The following CCDC7 variants were observed in gnomAD, a reference collection of about 807,000 sequenced individuals.
The protein encoded by CCDC7 is coiled-coil domain-containing protein 7.
A neutral mutation model predicts 196.9 loss-of-function variants in CCDC7; 183 were observed. The ratio of observed to expected loss-of-function variants is 0.93; its 90% CI spans 0.82 to 1.05. The LOEUF (loss-of-function observed/expected upper bound fraction) is 1.05, where lower values mean the gene tolerates loss of function less well. Among genes scored for constraint, CCDC7 ranks in the 50% least tolerant of loss-of-function variants. The pLI is 0.00. For missense variants in CCDC7, 1,540 were observed against 1,482.2 expected (o/e 1.04, Z -0.64); for synonymous variants, 525 against 484.6 (o/e 1.08, Z -1.10).
intron 13 of CCDC7, among the ~76,000 whole-genome samples, chr10:32,556,034 G>A (rs1283513603): frequency 6.6e-6 from 1 of 152,132 alleles, no homozygotes; most frequent in Non-Finnish European, 1.5e-5. Context: ...ATCACTCATG[G>A]TGTCATTTGT....
Position 32,494,386 on chromosome 10 carries a change from GT to G in CCDC7, c.872+2400del, listed in dbSNP as rs34832140. ...CTATTCTGTTCCATTGGCTATGTCT[GT>G]TTTTTTTTTTCCTTTTTCTAAATTA... On this transcript the variant is annotated intron_variant, in intron 9 of 41. Coordinates refer to ENST00000639629, the Ensembl canonical transcript of CCDC7. Among the ~76,000 whole-genome samples, 174 of 147,124 alleles carry G rather than the reference GT, an allele frequency of 1.2e-3. 1 individual carries two copies. The highest frequency in any genetic ancestry group is 7.1e-3 in the Middle Eastern group (2 of 280).
At chr10:32,747,861 GTTATA>G (rs1303919834) in intron 28 of CCDC7, among the ~76,000 whole-genome samples, 1 of 152,150 alleles carries the variant, frequency 6.6e-6, no homozygotes, top group African/African-American at 2.4e-5. Flanking sequence ...CCCATTACTG[GTTATA>G]TAGCCAAAGG....
At chr10:32,693,494 C>T (rs1047294153) in intron 23 of CCDC7, among the ~76,000 whole-genome samples, 2 of 152,038 alleles carry the variant, frequency 1.3e-5, no homozygotes, top group African/African-American at 4.8e-5. Context: ...TCTTTGAAAT[C>T]CCTTCAGGTC....
intron 25 of CCDC7, among the ~76,000 whole-genome samples, chr10:32,721,074 C>T (rs1036129572): frequency 2.0e-5 from 3 of 151,070 alleles, no homozygotes; most frequent in Non-Finnish European, 4.4e-5. Flanking sequence ...TTCTGGGGGA[C>T]AAAGTGAAAC....
At position 32,681,391 on chromosome 10, in the gene CCDC7, C is replaced by T. The variant is rs535192934; in HGVS notation, c.2123-4579C>T. 1.1e-3 allele frequency among the ~76,000 whole-genome samples: 174 copies of T among 152,212 alleles called. 2 individuals are homozygous for T. In the South Asian group the frequency reaches 0.02, roughly 17 times the overall value. On this transcript the variant is annotated intron_variant, in intron 21 of 41. Coordinates refer to ENST00000639629, the Ensembl canonical transcript of CCDC7. ...TCACACCATAGGTGGTCTGGCCAGA[C>T]GCACTGACTGAACAATACAGTCATT...
At chr10:32,602,305 G>T (rs1300927855) in intron 18 of CCDC7, among the ~76,000 whole-genome samples, 1 of 150,854 alleles carries the variant, frequency 6.6e-6, no homozygotes, top group African/African-American at 2.4e-5. Flanking sequence ...ACATCTGAAG[G>T]AACAAATTCT....
At chr10:32,485,081 T>C (rs553575883) in intron 8 of CCDC7, among the ~76,000 whole-genome samples, 1 of 152,360 alleles carries the variant, frequency 6.6e-6, no homozygotes, top group African/African-American at 2.4e-5. Flanking sequence ...TGGTACCAGC[T>C]CCTCCTTGTA....
In CCDC7 at chr10:32,511,539, A is replaced by C. The variant is rs1000162233; in HGVS notation, c.873-6406A>C. On this transcript the variant is annotated intron_variant, in intron 9 of 41. Coordinates refer to ENST00000639629, the Ensembl canonical transcript of CCDC7. ...ACTCCTTGGGTTGCCAAATAAACCC[A>C]AAACATTGAATTTAATGTGTATGCA... 2.5e-6 allele frequency: 4 copies of C among 1,608,426 alleles called. No individual in the cohort carries two copies. In the African/African-American group the frequency reaches 5.3e-5, roughly 22 times the overall value.
chr10:32,490,601 C>A (rs1407077933), intron 8 of CCDC7, among the ~76,000 whole-genome samples: 1 of 152,062 alleles, frequency 6.6e-6, no homozygotes, highest in Non-Finnish European at 1.5e-5. Flanking sequence ...TTGAGACCAT[C>A]CTGGCTAACA....
At chr10:32,520,825 T>C (rs1332513018) in intron 11 of CCDC7, among the ~76,000 whole-genome samples, 1 of 152,112 alleles carries the variant, frequency 6.6e-6, no homozygotes, top group Non-Finnish European at 1.5e-5. Flanking sequence ...GTTTCTCCAA[T>C]GTTTTCTTGG....
chr10:32,678,324 C>G (rs760263524), intron 21 of CCDC7, among the ~76,000 whole-genome samples: 23 of 152,090 alleles, frequency 1.5e-4, no homozygotes, highest in Non-Finnish European at 3.4e-4. Context: ...TCTTCATGAT[C>G]CTTGTATTTT....
chr10:32,473,918 A>G, intron 7 of CCDC7, 49 bp from the exon 9 acceptor site: 1 of 1,534,162 alleles, frequency 6.5e-7, no homozygotes, highest in Non-Finnish European at 8.8e-7. Context: ...CAATTAGTAT[A>G]TATAATTGCC....
chr10:32,472,670 C>A, intron 7 of CCDC7, 128 bp downstream of exon 8: 2 of 797,240 alleles, frequency 2.5e-6, no homozygotes, highest in Non-Finnish European at 3.5e-6. Flanking sequence ...ATATCGCTCA[C>A]TGCAGCCTCA....
At chr10:32,474,139 A>G in intron 8 of CCDC7, 116 bp downstream of exon 9, 2 of 936,838 alleles carry the variant, frequency 2.1e-6, no homozygotes, top group African/African-American at 1.8e-5. Context: ...GTTTGGAGCC[A>G]TATAGTTGAG....
intron 28 of CCDC7, among the ~76,000 whole-genome samples, chr10:32,747,303 C>CCTT (rs2074935943): frequency 1.3e-5 from 2 of 152,076 alleles, no homozygotes. Flanking sequence ...GGACACATGC[C>CCTT]CTGGCAAAGA....
intron 8 of CCDC7, among the ~76,000 whole-genome samples, chr10:32,491,041 T>G (rs964448762): frequency 2.0e-5 from 3 of 152,206 alleles, no homozygotes; most frequent in Non-Finnish European, 2.9e-5. Context: ...ACATTTCTAC[T>G]TTTTCTGCCT....
intron 9 of CCDC7, among the ~76,000 whole-genome samples, chr10:32,504,324 G>A (rs2079502259): frequency 6.6e-6 from 1 of 152,018 alleles, no homozygotes; most frequent in Non-Finnish European, 1.5e-5. Flanking sequence ...CACCGTGTTA[G>A]CCAGGATGGT....
intron 13 of CCDC7, among the ~76,000 whole-genome samples, chr10:32,559,120 C>T (rs1243125524): frequency 6.6e-5 from 10 of 152,192 alleles, no homozygotes; most frequent in African/African-American, 1.2e-4. Context: ...GGGGGAGGGG[C>T]GCCCGCCATT....
intron 24 of CCDC7, among the ~76,000 whole-genome samples, chr10:32,698,179 A>G (rs2078043955): frequency 1.3e-5 from 2 of 152,170 alleles, no homozygotes; most frequent in Non-Finnish European, 2.9e-5. Flanking sequence ...AACATCCACA[A>G]CAAAACCCAT....
Sources: allele counts gnomAD v4.1 joint callset (sites outside exome capture counted in the v4.1 genomes callset), GRCh38; gene constraint gnomAD v4.1.1; transcripts MANE v1.5; gene names NCBI Gene and HGNC (gene_info 2026-07-23, HGNC 2026-07-21).